The following PNKD variants were observed in gnomAD, a reference collection of about 807,000 sequenced individuals.
PNKD encodes probable thioesterase PNKD.
Under a neutral mutation model 45.3 loss-of-function variants are expected in PNKD, and 36 were observed. That is an observed-to-expected ratio of 0.80 (90% CI 0.61 to 1.05). The LOEUF (loss-of-function observed/expected upper bound fraction) is 1.05, where lower values mean the gene tolerates loss of function less well. Among genes scored for constraint, PNKD ranks in the 50% least tolerant of loss-of-function variants. PNKD has a pLI of 0.00. For synonymous variants in PNKD, 197 were observed against 210.1 expected (o/e 0.94, Z 0.54); for missense variants, 511 against 506.6 (o/e 1.01, Z -0.08).
chr2:218,272,294 G>A (rs953524098), intron 2 of PNKD, among the ~76,000 whole-genome samples: 5 of 152,210 alleles, frequency 3.3e-5, no homozygotes, highest in African/African-American at 9.7e-5. Context: ...GGCTCTAGGC[G>A]GGAGGAGGAA....
chr2:218,303,019 A>G (rs147024923), intron 2 of PNKD, among the ~76,000 whole-genome samples: 1 of 152,086 alleles, frequency 6.6e-6, no homozygotes, highest in Non-Finnish European at 1.5e-5. Context: ...AGCTCACTGC[A>G]ACTTCTGCCT....
intron 2 of PNKD, chr2:218,279,087 G>A (rs753579861): frequency 6.2e-7 from 1 of 1,614,116 alleles, no homozygotes; most frequent in South Asian, 1.1e-5. Flanking sequence ...GCGCTGACAG[G>A]TTCCCTGTGG....
At chr2:218,303,152 G>C (rs1693315600) in intron 2 of PNKD, among the ~76,000 whole-genome samples, 1 of 152,088 alleles carries the variant, frequency 6.6e-6, no homozygotes, top group African/African-American at 2.4e-5. Context: ...ATGTTGGCCA[G>C]GATGGTCTTG....
At chr2:218,333,976 G>T (rs990304632) in intron 2 of PNKD, among the ~76,000 whole-genome samples, 15 of 147,694 alleles carry the variant, frequency 1.0e-4, no homozygotes, top group African/African-American at 3.0e-4. Flanking sequence ...TTAGCCGGGC[G>T]TGGTGGCGGG....
chr2:218,344,767 C>G, intron 9 of PNKD, 41 bp from the exon 10 acceptor site: 1 of 1,601,298 alleles, frequency 6.2e-7, no homozygotes, highest in Non-Finnish European at 8.6e-7. Flanking sequence ...GGGTCCATTT[C>G]CCAGCTTCTC....
chr2:218,316,287 T>G (rs76079476), intron 2 of PNKD, among the ~76,000 whole-genome samples: 2 of 147,204 alleles, frequency 1.4e-5, no homozygotes, highest in Non-Finnish European at 3.0e-5. Flanking sequence ...TTTTTTTTTT[T>G]GAGACAGAGT....
In PNKD at chr2:218,324,997, C is replaced by CTTTTTT. The variant is rs1167758595; in HGVS notation, c.237-14763_237-14758dup. 9.1e-4 allele frequency among the ~76,000 whole-genome samples: 57 copies of CTTTTTT among 62,680 alleles called. 14 individuals are homozygous for CTTTTTT. Among genetic ancestry groups the CTTTTTT allele is most frequent in the African/African-American group, 3.6e-3 (54 of 14,886 alleles). 41.1% of individuals were successfully genotyped at this position (62,680 alleles called of 152,430 possible). ...AACATGAAGGTATCTAAATAATTTT[C>CTTTTTT]TTTTTTTTTTTTTTTTTTTTTTTTT... On this transcript the variant is annotated intron_variant, in intron 2 of 9. Transcript: ENST00000273077.
intron 2 of PNKD, among the ~76,000 whole-genome samples, chr2:218,289,577 G>C (rs2106238058): frequency 7.3e-6 from 1 of 137,006 alleles, no homozygotes; most frequent in Admixed American, 8.2e-5. Flanking sequence ...AGGAGATGTA[G>C]GTTGCAGTGA....
At chr2:218,276,919 C>A (rs1238839282) in intron 2 of PNKD, 1 of 1,150,892 alleles carries the variant, frequency 8.7e-7, no homozygotes, top group Admixed American at 1.9e-5. Flanking sequence ...GCCCCGGGGA[C>A]CTTTGGGGCC....
At position 218,270,617 on chromosome 2, in the gene PNKD, C is replaced by A. The variant is rs746524295; in HGVS notation, c.67+15C>A. ...CGTCCTCCGGGGTAAGGAGAGGGAC[C>A]CCGGGGAGGGCAGGACTGCAGAAGA... On this transcript the variant is annotated intron_variant, in intron 1 of 9. Coordinates refer to ENST00000273077, the MANE Select transcript of PNKD (RefSeq NM_015488.5). 2.1e-5 allele frequency: 18 copies of A among 855,834 alleles called. No homozygotes were observed. Among genetic ancestry groups the A allele is most frequent in the Non-Finnish European group, 2.9e-5 (18 of 619,270 alleles). 53.0% of individuals were successfully genotyped at this position (855,834 alleles called of 1,614,324 possible).
intron 2 of PNKD, among the ~76,000 whole-genome samples, chr2:218,297,684 CAAAA>C (rs71064428): frequency 4.8e-5 from 2 of 41,994 alleles, no homozygotes; most frequent in East Asian, 7.0e-4. Context: ...GACTCCGTCT[CAAAA>C]AAAAAAAAAA....
At chr2:218,281,825 G>T in intron 2 of PNKD, 2 of 889,982 alleles carry the variant, frequency 2.2e-6, no homozygotes, top group Non-Finnish European at 3.5e-6. Context: ...CAACAGAGAA[G>T]ATGAGAAAGG....
chr2:218,316,956 A>C (rs999500091), intron 2 of PNKD: 1 of 152,462 alleles, frequency 6.6e-6, no homozygotes, highest in African/African-American at 2.4e-5. Flanking sequence ...ACAGGTGGTA[A>C]GTAGTTCAAG....
chr2:218,277,761 T>G (rs1022562652), intron 2 of PNKD: 2 of 1,579,854 alleles, frequency 1.3e-6, no homozygotes, highest in East Asian at 2.2e-5. Flanking sequence ...CTGCCAGAGC[T>G]GGGGAACGCC....
chr2:218,302,337 G>C (rs757183659), intron 2 of PNKD, among the ~76,000 whole-genome samples: 5 of 152,002 alleles, frequency 3.3e-5, no homozygotes, highest in African/African-American at 7.3e-5. Context: ...AACAGAGTGA[G>C]ACTGCATCTC....
chr2:218,342,021 C>G lies in PNKD; in HGVS notation c.658C>G (p.Gln220Glu). The change falls in exon 7 of 10, where the codon CAG becomes GAG. Residue 220 changes from glutamine to glutamate, a missense_variant. Gln to Glu is a conservative substitution (Grantham distance 29). Coordinates refer to ENST00000273077, the MANE Select transcript of PNKD (RefSeq NM_015488.5). ...AGATGTGGTCAGCGTGGGACGGCTT[C>G]AGATCCGGGCCCTGGCTACACCTGG... ...HQDVVSVGRL[Q>E]IRALATPGHT... The G allele has an allele frequency of 4.3e-6, 7 of 1,613,790 alleles. No homozygotes were observed. Among genetic ancestry groups the G allele is most frequent in the Non-Finnish European group, 5.9e-6 (7 of 1,179,654 alleles).
chr2:218,340,236 C>A lies in PNKD; in HGVS notation c.465+95C>A. ...GAGGGCTGACCCTTGTCCGTCTGCC[C>A]GTGGGATGTGTCCCATATGCTCCAT... On this transcript the variant is annotated intron_variant, in intron 4 of 9. Coordinates refer to ENST00000273077, the MANE Select transcript of PNKD (RefSeq NM_015488.5). This position sits in a 1 kb window ranked among gnomAD's most constrained non-coding sequence, Gnocchi z 4.2. The A allele has an allele frequency of 1.3e-6, 1 of 784,970 alleles. No homozygotes were observed. 48.6% of individuals were successfully genotyped at this position (784,970 alleles called of 1,614,324 possible).
intron 2 of PNKD, 111 bp from the exon 3 acceptor site, chr2:218,339,672 G>A (rs1328872517): frequency 8.2e-6 from 6 of 732,162 alleles, no homozygotes; most frequent in African/African-American, 1.7e-5. Context: ...GAATTGCATT[G>A]GCTCACAGGG....
chr2:218,335,749 G>A (rs1367715278), intron 2 of PNKD, among the ~76,000 whole-genome samples: 1 of 152,132 alleles, frequency 6.6e-6, no homozygotes, highest in Admixed American at 6.5e-5. Context: ...TAAACCCATG[G>A]GTACATAGAG....
Sources: allele counts gnomAD v4.1 joint callset (sites outside exome capture counted in the v4.1 genomes callset), GRCh38; gene constraint gnomAD v4.1.1; non-coding constraint Gnocchi (gnomAD v3.1); transcripts MANE v1.5; gene names NCBI Gene and HGNC (gene_info 2026-07-23, HGNC 2026-07-21).